Variants in ACVR2B observed in about 807,000 individuals in gnomAD.
ACVR2B encodes the protein activin A receptor type 2B.
Under a neutral mutation model 65.1 loss-of-function variants are expected in ACVR2B, and 18 were observed. That is an observed-to-expected ratio of 0.28 (90% confidence interval 0.19 to 0.41). The LOEUF (loss-of-function observed/expected upper bound fraction) is 0.41. Ranked by LOEUF, ACVR2B falls within the 10% of genes least tolerant of loss-of-function variation. ACVR2B has a pLI of 1.00. For missense variants in ACVR2B, 482 were observed against 682.7 expected (o/e 0.71, Z 3.28); for synonymous variants, 298 against 277.7 (o/e 1.07, Z -0.73).
At chr3:38,466,705 A>G (rs146892850) in intron 1 of ACVR2B, among the ~76,000 whole-genome samples, 20 of 152,182 alleles carry the variant, frequency 1.3e-4, no homozygotes, top group African/African-American at 4.3e-4. Context: ...GAGTTTCACC[A>G]TGTTGGTCAG....
At chr3:38,462,358 C>G (rs908177715) in intron 1 of ACVR2B, among the ~76,000 whole-genome samples, 1 of 152,096 alleles carries the variant, frequency 6.6e-6, no homozygotes, top group African/African-American at 2.4e-5. Flanking sequence ...AAATTGAATA[C>G]ACTGGTTTAG....
rs1709935025 is a variant in ACVR2B at position 38,477,617 on chromosome 3, G to A, written c.260+123G>A. 5 of 1,248,104 alleles carry A rather than the reference G, an allele frequency of 4.0e-6. No individual in the cohort carries two copies. In the African/African-American group the frequency reaches 6.0e-5, roughly 15 times the overall value. The allele number at this position is 1,248,104 out of a possible 1,614,324, so 77.3% of individuals were successfully genotyped here. ...GGACCAAGAAGGGGCTCTTGAGATG[G>A]TAGCCATGGCCCCACGCCCTTCCAC... On this transcript the variant is annotated intron_variant, in intron 2 of 10. Coordinates refer to ENST00000352511, the MANE Select transcript of ACVR2B (RefSeq NM_001106.4). The surrounding 1 kb of genome is among the most constrained non-coding windows in gnomAD (Gnocchi z 6.7).
chr3:38,454,381 A>G lies in ACVR2B; in HGVS notation c.52+7A>G. 8.0e-7 allele frequency: 1 copy of G among 1,255,026 alleles called. No individual in the cohort carries two copies. The highest frequency in any genetic ancestry group is 1.0e-6 in the Non-Finnish European group (1 of 1,000,646). The allele number at this position is 1,255,026 out of a possible 1,614,324, so 77.7% of individuals were successfully genotyped here. On this transcript the variant is annotated splice_region_variant and intron_variant, in intron 1 of 10. Transcript: ENST00000352511. ...TGGGGATCGCTGTGCGCCGGTAAGAACTGGGCGCGGCGCGGGGACGCCGAG... is the reference window on the plus strand; with the variant it reads ...TGGGGATCGCTGTGCGCCGGTAAGAGCTGGGCGCGGCGCGGGGACGCCGAG...
rs564778432 is a variant in ACVR2B, at chr3:38,488,568, A to C, written c.*5236A>C. ...TTGGGTCCACTGTAAACTTTGGTTC[A>C]AAAAAGAATTTGAATTTAAAGAATT... is the stretch of plus-strand genomic sequence containing the variant. On this transcript the variant is annotated 3_prime_UTR_variant, in exon 11 of 11. Coordinates refer to ENST00000352511, the MANE Select transcript of ACVR2B (RefSeq NM_001106.4). 7 of 152,288 alleles carry C rather than the reference A, an allele frequency of 4.6e-5. No homozygotes were observed. The East Asian group carries it at 1.3e-3, about 29-fold the overall frequency. 9.4% of individuals were successfully genotyped at this position (152,288 alleles called of 1,614,324 possible).
intron 1 of ACVR2B, among the ~76,000 whole-genome samples, chr3:38,468,622 C>T (rs1028744735): frequency 6.6e-6 from 1 of 152,066 alleles, no homozygotes; most frequent in East Asian, 1.9e-4. Context: ...TCATTTTTAC[C>T]CCATTCTTTC....
At position 38,478,192 on chromosome 3, in the gene ACVR2B, A is replaced by C. The variant is rs776832749; in HGVS notation, c.422A>C (p.Tyr141Ser). The C allele has an allele frequency of 1.2e-6, 2 of 1,613,340 alleles. No individual in the cohort carries two copies. Among genetic ancestry groups the C allele is most frequent in the Non-Finnish European group, 1.7e-6 (2 of 1,179,888 alleles). Residue 141 changes from tyrosine to serine, a missense_variant, in exon 4 of 11, where the codon TAC becomes TCC. Tyr to Ser is a moderately radical substitution (Grantham distance 144). This residue lies in a region of ACVR2B where 95 missense variants were observed against 91.6 expected (regional missense o/e 1.04). Transcript: ENST00000352511. ...CCCACCCTGCTCACGGTGCTGGCCT[A>C]CTCACTGCTGCCCATCGGGGGCCTT... The part of the protein sequence containing the change: ...TAPTLLTVLA[Y>S]SLLPIGGLSL...
In ACVR2B at chr3:38,485,329, A is replaced by C. The variant is rs1441693289; in HGVS notation, c.*1997A>C. The C allele has an allele frequency of 6.6e-6, 1 of 152,258 alleles. No homozygotes were observed. The highest frequency in any genetic ancestry group is 1.5e-5 in the Non-Finnish European group (1 of 68,052). 9.4% of individuals were successfully genotyped at this position (152,258 alleles called of 1,614,324 possible). On this transcript the variant is annotated 3_prime_UTR_variant, in exon 11 of 11. Coordinates refer to ENST00000352511, the MANE Select transcript of ACVR2B (RefSeq NM_001106.4). ...TGGGATTTAACTTCTTCAGCAAATT[A>C]ACAGCAACGTTGGAAGAGATCTGTG...
rs1019403050 is a variant in ACVR2B at position 38,477,725 on chromosome 3, A to T, written c.261-136A>T. ...TCTTCCTTGGCTTTGGGTCTCCTGTAGGGGAGGTGAGTTCACACCGTCCCC... is the reference window on the plus strand; with the variant it reads ...TCTTCCTTGGCTTTGGGTCTCCTGTTGGGGAGGTGAGTTCACACCGTCCCC... On this transcript the variant is annotated intron_variant, in intron 2 of 10. Transcript: ENST00000352511. The surrounding 1 kb of genome is among the most constrained non-coding windows in gnomAD (Gnocchi z 6.7). The T allele has an allele frequency of 1.7e-5, 18 of 1,068,092 alleles. No homozygotes were observed. The highest frequency in any genetic ancestry group is 2.5e-5 in the Non-Finnish European group (17 of 683,548). 66.2% of individuals were successfully genotyped at this position (1,068,092 alleles called of 1,614,324 possible).
At chr3:38,460,194 C>T (rs993428474) in intron 1 of ACVR2B, among the ~76,000 whole-genome samples, 3 of 152,120 alleles carry the variant, frequency 2.0e-5, no homozygotes, top group Non-Finnish European at 4.4e-5. Context: ...TCCTTCCCTC[C>T]GGTTCTATCA....
rs1009500553 is a variant in ACVR2B, at chr3:38,491,037, G to A, written c.*7705G>A. The A allele has an allele frequency of 6.6e-6, 1 of 151,180 alleles. No homozygotes were observed. Among genetic ancestry groups the A allele is most frequent in the Admixed American group, 6.6e-5 (1 of 15,248 alleles). 9.4% of individuals were successfully genotyped at this position (151,180 alleles called of 1,614,324 possible). A position where few individuals can be genotyped will look rare whatever the true frequency, so the allele number is the denominator to read the frequency against. On this transcript the variant is annotated 3_prime_UTR_variant, in exon 11 of 11. Coordinates refer to ENST00000352511, the MANE Select transcript of ACVR2B (RefSeq NM_001106.4). Reference sequence around the variant, plus strand: ...TTCCAGTCGCTAATGCTCAAATGTAGAACATTCCTTTAAATGGCAGGATAA... The same window carrying A: ...TTCCAGTCGCTAATGCTCAAATGTAAAACATTCCTTTAAATGGCAGGATAA...
rs4678608 is a variant in ACVR2B, at chr3:38,480,013, A to G, written c.959+187A>G. 0.014 allele frequency among the ~76,000 whole-genome samples: 2,203 copies of G among 152,312 alleles called. 111 individuals are homozygous for G. In the East Asian group the frequency reaches 0.16, roughly 11 times the overall value. On this transcript the variant is annotated intron_variant, in intron 7 of 10. Coordinates refer to ENST00000352511, the MANE Select transcript of ACVR2B (RefSeq NM_001106.4). ...GTCCTGGGGATGGCATGGCCTCCCA[A>G]GCTGGTTTTTGGTGCCCTCTAATGG...
At position 38,482,325 on chromosome 3, in the gene ACVR2B, A is replaced by T. The variant is rs762092222; in HGVS notation, c.1202A>T (p.Lys401Met). ...CTGTGGGAGCTTGTGTCTCGCTGCA[A>T]GGCTGCAGACGGTAAGTAGGATGGC... The part of the protein sequence containing the change: ...LVLWELVSRC[K>M]AADGPVDEYM... The change falls in exon 9 of 11, where the codon AAG becomes ATG. Residue 401 changes from lysine (K) to methionine (M), a missense_variant. Coordinates refer to ENST00000352511, the MANE Select transcript of ACVR2B (RefSeq NM_001106.4). 1.2e-5 allele frequency: 20 copies of T among 1,611,382 alleles called. No individual in the cohort carries two copies. The Middle Eastern group carries it at 4.9e-4, about 40-fold the overall frequency.
At position 38,477,930 on chromosome 3, in the gene ACVR2B, C is replaced by T. The variant is rs528729033; in HGVS notation, c.330C>T (p.Asn110=). ...YFCCCEGNFC[N]ERFTHLPEAG... Reference sequence around the variant, plus strand: ...GCTGCTGTGAAGGCAACTTCTGCAACGAACGCTTCACTCATTTGCCAGAGG... The same window carrying T: ...GCTGCTGTGAAGGCAACTTCTGCAATGAACGCTTCACTCATTTGCCAGAGG... The change falls in exon 3 of 11, where the codon AAC becomes AAT. Residue 110 remains asparagine (N), a synonymous_variant. Coordinates refer to ENST00000352511, the MANE Select transcript of ACVR2B (RefSeq NM_001106.4). The surrounding 1 kb of genome is among the most constrained non-coding windows in gnomAD (Gnocchi z 6.7). The T allele has an allele frequency of 2.1e-5, 34 of 1,614,114 alleles. No individual in the cohort carries two copies. Among genetic ancestry groups the T allele is most frequent in the African/African-American group, 1.5e-4 (11 of 75,036 alleles).
intron 1 of ACVR2B, among the ~76,000 whole-genome samples, chr3:38,457,301 T>G (rs1263432480): frequency 1.3e-5 from 2 of 152,256 alleles, no homozygotes; most frequent in Non-Finnish European, 1.5e-5. Flanking sequence ...TTTTGTACTG[T>G]CATCAAAATC....
At chr3:38,457,876 G>GC (rs1709576976) in intron 1 of ACVR2B, among the ~76,000 whole-genome samples, 1 of 152,184 alleles carries the variant, frequency 6.6e-6, no homozygotes, top group Non-Finnish European at 1.5e-5. Context: ...AGCGGTAGCT[G>GC]CCAAGGACAT....
At position 38,492,288 on chromosome 3, in the gene ACVR2B, C is replaced by T. The variant is rs2125733773; in HGVS notation, c.*8956C>T. 1 of 152,672 alleles carries T rather than the reference C, an allele frequency of 6.5e-6. No homozygotes were observed. Among genetic ancestry groups the T allele is most frequent in the Non-Finnish European group, 1.5e-5 (1 of 68,020 alleles). 9.5% of individuals were successfully genotyped at this position (152,672 alleles called of 1,614,324 possible). A position where few individuals can be genotyped will look rare whatever the true frequency, so the allele number is the denominator to read the frequency against. On this transcript the variant is annotated 3_prime_UTR_variant, in exon 11 of 11. Transcript: ENST00000352511. The stretch of plus-strand genomic sequence containing the variant: ...CTTAGTGGAGAATGTGTGTGTTGGG[C>T]TTAGGATGGATAGCTAAGTCTTATT...
At chr3:38,472,371 C>T (rs142319595) in intron 1 of ACVR2B, among the ~76,000 whole-genome samples, 76 of 152,290 alleles carry the variant, frequency 5.0e-4, no homozygotes, top group Middle Eastern at 3.4e-3. Context: ...GGGAGAGCTG[C>T]CTTTCCTCTC....
Position 38,483,517 on chromosome 3 carries a change from TTG to T in ACVR2B, c.*186_*187del. ...ATTATTATTAATATTATTTTTTGGA[TTG>T]GATCAGTTTTTACCAGCATATTGCT... On this transcript the variant is annotated 3_prime_UTR_variant, in exon 11 of 11. Coordinates refer to ENST00000352511, the MANE Select transcript of ACVR2B (RefSeq NM_001106.4). This position sits in a 1 kb window ranked among gnomAD's most constrained non-coding sequence, Gnocchi z 4.8. 1 of 245,176 alleles carries T rather than the reference TTG, an allele frequency of 4.1e-6. No homozygotes were observed. Among genetic ancestry groups the T allele is most frequent in the Non-Finnish European group, 7.0e-6 (1 of 143,674 alleles). The allele number at this position is 245,176 out of a possible 1,614,324, so 15.2% of individuals were successfully genotyped here.
Position 38,483,600 on chromosome 3 carries a change from A to T in ACVR2B, c.*268A>T, listed in dbSNP as rs1243252297. 6.0e-6 allele frequency: 1 copy of T among 165,906 alleles called. No homozygotes were observed. The highest frequency in any genetic ancestry group is 1.3e-5 in the Non-Finnish European group (1 of 79,086). 10.3% of individuals were successfully genotyped at this position (165,906 alleles called of 1,614,324 possible). ...CAGGCGTTGAGGTGCTGAGCTGTGG[A>T]TGCAGAACCAGCGCCATGCTGAAGA... On this transcript the variant is annotated 3_prime_UTR_variant, in exon 11 of 11. Coordinates refer to ENST00000352511, the MANE Select transcript of ACVR2B (RefSeq NM_001106.4). This position sits in a 1 kb window ranked among gnomAD's most constrained non-coding sequence, Gnocchi z 4.8.
Sources: gnomAD v4.1 joint callset for allele counts (sites outside exome capture counted in the v4.1 genomes callset) on GRCh38, gnomAD v4.1.1 for gene constraint, gnomAD v4.1.1 regional missense constraint, Gnocchi (gnomAD v3.1) non-coding constraint, MANE v1.5 for transcripts, NCBI Gene and HGNC (gene_info 2026-07-23, HGNC 2026-07-21) for gene names.